The following EXOC7 variants were observed in gnomAD, a reference collection of about 807,000 sequenced individuals.
EXOC7 encodes the protein exocyst complex component Exo70.
A neutral mutation model predicts 87.6 loss-of-function variants in EXOC7; 51 were observed. That is an observed-to-expected ratio of 0.58 (90% CI 0.46 to 0.73). EXOC7 has a LOEUF of 0.73. EXOC7 is among the 30% of genes least tolerant of loss of function. The pLI is 0.00. For missense variants in EXOC7, 744 were observed against 888.4 expected (o/e 0.84, Z 2.07); for synonymous variants, 327 against 357.1 (o/e 0.92, Z 0.95).
rs2290245 is a variant in EXOC7 at position 76,101,879 on chromosome 17, C to T, written c.127-16G>A. On this transcript the variant is annotated splice_polypyrimidine_tract_variant and intron_variant, in intron 2 of 18. Transcript: ENST00000589210. ...AGATAGACACCTGCGGGAGGGAAGC[C>T]TCTTGATCTTGGGACTCACAGTGGT... 1.8e-3 allele frequency: 2,856 copies of T among 1,600,612 alleles called. 80 individuals carry two copies. In the East Asian group the frequency reaches 0.058, roughly 32 times the overall value.
rs1257841244 is a variant in EXOC7 at position 76,082,097 on chromosome 17, G to A, written c.*1551C>T. 2 of 1,540,126 alleles carry A rather than the reference G, an allele frequency of 1.3e-6. No individual in the cohort carries two copies. Among genetic ancestry groups the A allele is most frequent in the Non-Finnish European group, 1.7e-6 (2 of 1,148,336 alleles). On this transcript the variant is annotated 3_prime_UTR_variant, in exon 19 of 19. Transcript: ENST00000589210. ...GGAATGAGGCCTAGGTGCACACCTAGGGCTGGGGTGAGGGCACGGAGGTCC... is the reference window on the plus strand; with the variant it reads ...GGAATGAGGCCTAGGTGCACACCTAAGGCTGGGGTGAGGGCACGGAGGTCC...
intron 15 of EXOC7, chr17:76,084,794 A>G (rs2067137093): frequency 1.7e-6 from 1 of 586,202 alleles, no homozygotes; most frequent in Non-Finnish European, 3.0e-6. Flanking sequence ...TGAGTGTTCA[A>G]TAAATTGGAC....
chr17:76,085,990 C>T, intron 13 of EXOC7, 90 bp downstream of exon 13: 1 of 1,542,048 alleles, frequency 6.5e-7, no homozygotes, highest in South Asian at 1.2e-5. Flanking sequence ...GGAGAGGGCC[C>T]TGGGAATAGC....
In EXOC7 at chr17:76,095,395, A is replaced by C. The variant is rs553721439; in HGVS notation, c.641-814T>G. ...GTGATTCTCCCGCCTCAGCCTCCCA[A>C]GTAGCTGGGATTACAGGCATGAGCC... On this transcript the variant is annotated intron_variant, in intron 5 of 18. Transcript: ENST00000589210. 9.4e-4 allele frequency among the ~76,000 whole-genome samples: 143 copies of C among 152,190 alleles called. No individual in the cohort carries two copies. The Middle Eastern group carries it at 0.014, about 14-fold the overall frequency.
chr17:76,095,940 A>G (rs1406368239), intron 5 of EXOC7, among the ~76,000 whole-genome samples: 1 of 152,232 alleles, frequency 6.6e-6, no homozygotes, highest in Non-Finnish European at 1.5e-5. Flanking sequence ...GAAGTTCCCA[A>G]CAAATAGTTT....
In EXOC7 at chr17:76,081,218, C is replaced by A; in HGVS notation, c.*2430G>T. On this transcript the variant is annotated 3_prime_UTR_variant, in exon 19 of 19. Transcript: ENST00000589210. ...ACCCCTGGGCTCCAGTCTGCTACCC[C>A]CAGACTTGGCAGCTGGGATCTCTCC... 2 of 1,603,074 alleles carry A rather than the reference C, an allele frequency of 1.2e-6. No homozygotes were observed. Among genetic ancestry groups the A allele is most frequent in the South Asian group, 1.1e-5 (1 of 89,250 alleles).
intron 5 of EXOC7, 71 bp downstream of exon 5, chr17:76,097,725 A>G (rs2067836293): frequency 6.3e-6 from 6 of 957,458 alleles, no homozygotes; most frequent in Non-Finnish European, 9.1e-6. Flanking sequence ...AAAAAAAAAA[A>G]AAAAAAGAAC....
chr17:76,084,626 C>A, intron 15 of EXOC7, 46 bp from the exon 16 acceptor site: 1 of 1,571,790 alleles, frequency 6.4e-7, no homozygotes, highest in Non-Finnish European at 8.7e-7. Flanking sequence ...TGGCCTGCCT[C>A]AGTGGCCTGG....
intron 10 of EXOC7, 123 bp downstream of exon 10, chr17:76,088,341 G>C (rs1459664481): frequency 8.6e-6 from 9 of 1,050,930 alleles, no homozygotes; most frequent in Non-Finnish European, 1.3e-5. Flanking sequence ...TGACAGGCCA[G>C]TGGCGCAGCT....
At chr17:76,090,257 G>C in intron 7 of EXOC7, 2 of 1,501,394 alleles carry the variant, frequency 1.3e-6, no homozygotes, top group South Asian at 2.5e-5. Context: ...GGGCCAGGCA[G>C]GAGCAGGCCA....
chr17:76,086,586 C>T (rs769999317), intron 12 of EXOC7, among the ~76,000 whole-genome samples: 3 of 152,186 alleles, frequency 2.0e-5, no homozygotes, highest in Non-Finnish European at 4.4e-5. Flanking sequence ...GCGGCCTGCA[C>T]AGTGGGGAAG....
chr17:76,090,311 C>T, intron 7 of EXOC7: 7 of 1,549,298 alleles, frequency 4.5e-6, no homozygotes, highest in Non-Finnish European at 5.2e-6. Context: ...TGCCCTCGGG[C>T]TGGGCTGCGG....
chr17:76,082,673 C>T lies in EXOC7; in HGVS notation c.*975G>A. The T allele has an allele frequency of 1.3e-6, 2 of 1,586,272 alleles. No individual in the cohort carries two copies. Among genetic ancestry groups the T allele is most frequent in the African/African-American group, 1.3e-5 (1 of 74,104 alleles). On this transcript the variant is annotated 3_prime_UTR_variant, in exon 19 of 19. Coordinates refer to ENST00000589210, the MANE Select transcript of EXOC7 (RefSeq NM_001013839.4). ...CTGTAAAGGGGCAGGGCCTGGGCTG[C>T]ACACCTTAGGATGAAGTTTGCTTTC...
Position 76,081,159 on chromosome 17 carries a change from C to A in EXOC7, c.*2489G>T. 1 of 1,430,178 alleles carries A rather than the reference C, an allele frequency of 7.0e-7. No homozygotes were observed. Among genetic ancestry groups the A allele is most frequent in the Non-Finnish European group, 9.5e-7 (1 of 1,048,334 alleles). The allele number at this position is 1,430,178 out of a possible 1,614,324, so 88.6% of individuals were successfully genotyped here. A position where few individuals can be genotyped will look rare whatever the true frequency, so the allele number is the denominator to read the frequency against. The stretch of plus-strand genomic sequence containing the variant: ...CTATGGATCGGTTTTGTGTCCAAGT[C>A]TGTCCCTGCCAAAAGCCATCAAAAG... On this transcript the variant is annotated 3_prime_UTR_variant, in exon 19 of 19. Transcript: ENST00000589210.
At chr17:76,094,204 G>A (rs532388033) in intron 6 of EXOC7, 37 of 528,322 alleles carry the variant, frequency 7.0e-5, no homozygotes, top group Non-Finnish European at 1.2e-4. Flanking sequence ...TGTAACCCCA[G>A]GCTCTGCTAG....
In EXOC7 at chr17:76,082,393, G is replaced by T; in HGVS notation, c.*1255C>A. 1.4e-6 allele frequency: 2 copies of T among 1,452,446 alleles called. No individual in the cohort carries two copies. Among genetic ancestry groups the T allele is most frequent in the South Asian group, 1.4e-5 (1 of 73,592 alleles). 90.0% of individuals were successfully genotyped at this position (1,452,446 alleles called of 1,614,324 possible). On this transcript the variant is annotated 3_prime_UTR_variant, in exon 19 of 19. Transcript: ENST00000589210. ...AAGCGATACAGGCTGATGACCCCTG[G>T]GGTTCGCTCTTCCGCTCATGTTGAG...
chr17:76,086,638 G>C (rs540319559), intron 12 of EXOC7, among the ~76,000 whole-genome samples: 1 of 152,304 alleles, frequency 6.6e-6, no homozygotes, highest in East Asian at 1.9e-4. Context: ...GGCGAGCCTA[G>C]GGGGTGTATC....
Position 76,101,264 on chromosome 17 carries a change from C to G in EXOC7, c.417+7G>C. ...AAGCTTCTCACGTTATTCTGCGGACCCCTTACCACTTTGTTGAGTTCCGGG... is the reference window on the plus strand; with the variant it reads ...AAGCTTCTCACGTTATTCTGCGGACGCCTTACCACTTTGTTGAGTTCCGGG... On this transcript the variant is annotated splice_region_variant and intron_variant, in intron 4 of 18. Transcript: ENST00000589210. 2 of 1,613,964 alleles carry G rather than the reference C, an allele frequency of 1.2e-6. No homozygotes were observed. Among genetic ancestry groups the G allele is most frequent in the Non-Finnish European group, 1.7e-6 (2 of 1,180,002 alleles).
chr17:76,088,438 G>A (rs750449392), intron 10 of EXOC7, 26 bp downstream of exon 10: 1 of 1,604,918 alleles, frequency 6.2e-7, no homozygotes, highest in Non-Finnish European at 8.5e-7. Flanking sequence ...CCGGGAGGGA[G>A]GGAGAAAGGG....
Sources: gnomAD v4.1 joint callset for allele counts (sites outside exome capture counted in the v4.1 genomes callset) on GRCh38, gnomAD v4.1.1 for gene constraint, MANE v1.5 for transcripts, NCBI Gene and HGNC (gene_info 2026-07-23, HGNC 2026-07-21) for gene names.